Variants in SLC1A1 observed in about 807,000 individuals in gnomAD.
SLC1A1 encodes the protein excitatory amino acid transporter 3.
Under a neutral mutation model 53.3 loss-of-function variants are expected in SLC1A1, and 43 were observed. The observed-to-expected ratio is 0.81, with a 90% CI of 0.63 to 1.04. The LOEUF is 1.04. SLC1A1 is among the 50% of genes least tolerant of loss of function. The probability of loss-of-function intolerance (pLI) is 0.00; values close to 1 mark genes in which losing one functional copy is unlikely to be tolerated. For missense variants in SLC1A1, 748 were observed against 664.9 expected (o/e 1.12, Z -1.37); for synonymous variants, 307 against 243.2 (o/e 1.26, Z -2.44).
At chr9:4,570,510 AC>A (rs1380952963) in intron 6 of SLC1A1, among the ~76,000 whole-genome samples, 2 of 151,732 alleles carry the variant, frequency 1.3e-5, no homozygotes, top group Admixed American at 1.3e-4. Context: ...AGCTGGGATT[AC>A]AGGCACGTGC....
intron 1 of SLC1A1, among the ~76,000 whole-genome samples, chr9:4,515,536 T>C (rs1821133048): frequency 6.6e-6 from 1 of 152,154 alleles, no homozygotes; most frequent in African/African-American, 2.4e-5. Flanking sequence ...ATGGAAGCTA[T>C]AAAAACAGAT....
At chr9:4,566,820 C>A (rs1012154694) in intron 5 of SLC1A1, among the ~76,000 whole-genome samples, 8 of 152,076 alleles carry the variant, frequency 5.3e-5, no homozygotes, top group Non-Finnish European at 8.8e-5. Context: ...TTACTTCAAG[C>A]CTTTCCCTCC....
intron 2 of SLC1A1, among the ~76,000 whole-genome samples, chr9:4,546,607 G>A (rs1164592935): frequency 1.3e-5 from 2 of 152,130 alleles, no homozygotes; most frequent in Non-Finnish European, 2.9e-5. Context: ...TACCTGCCTG[G>A]CCGCCGTAAG....
chr9:4,531,123 G>A (rs1305068059), intron 1 of SLC1A1, among the ~76,000 whole-genome samples: 3 of 152,312 alleles, frequency 2.0e-5, no homozygotes, highest in African/African-American at 4.8e-5. Flanking sequence ...ACAGCTCCCA[G>A]CGTGAGTGAC....
chr9:4,510,907 A>G (rs969560544), intron 1 of SLC1A1, among the ~76,000 whole-genome samples: 1 of 152,178 alleles, frequency 6.6e-6, no homozygotes, highest in Non-Finnish European at 1.5e-5. Context: ...CCGTAAACAA[A>G]TTGAGAGTTA....
At chr9:4,512,136 A>C (rs945150966) in intron 1 of SLC1A1, among the ~76,000 whole-genome samples, 1 of 152,238 alleles carries the variant, frequency 6.6e-6, no homozygotes, top group African/African-American at 2.4e-5. Context: ...CAGTTCTCCC[A>C]TAATTGATGT....
chr9:4,512,887 C>G (rs1342706056), intron 1 of SLC1A1, among the ~76,000 whole-genome samples: 1 of 152,134 alleles, frequency 6.6e-6, no homozygotes, highest in Non-Finnish European at 1.5e-5. Flanking sequence ...GCTTCAGACT[C>G]TCAAAGTGCT....
chr9:4,540,478 G>A (rs781121799), intron 1 of SLC1A1, among the ~76,000 whole-genome samples: 3 of 152,188 alleles, frequency 2.0e-5, no homozygotes, highest in South Asian at 2.1e-4. Flanking sequence ...CACTTAAGCC[G>A]TCCGTGGATG....
At chr9:4,492,254 G>GAGA (rs1191653535) in intron 1 of SLC1A1, among the ~76,000 whole-genome samples, 2 of 152,122 alleles carry the variant, frequency 1.3e-5, no homozygotes, top group African/African-American at 4.8e-5. Flanking sequence ...TTAGGCCAAA[G>GAGA]AGAAGAGATG....
Position 4,497,997 on chromosome 9 carries a change from G to C in SLC1A1, c.91+7227G>C, listed in dbSNP as rs532428632. Among the ~76,000 whole-genome samples the C allele has an allele frequency of 4.2e-4, 64 of 152,152 alleles. 3 individuals are homozygous for C. The highest frequency in any genetic ancestry group is 2.0e-4 in the Admixed American group (3 of 15,270). ...GAGTTGAAAACAAAAGTCTGAAATTGATTACTGCTGTCTGGCACTGGCTTA... is the reference window on the plus strand; with the variant it reads ...GAGTTGAAAACAAAAGTCTGAAATTCATTACTGCTGTCTGGCACTGGCTTA... On this transcript the variant is annotated intron_variant, in intron 1 of 11. Coordinates refer to ENST00000262352, the MANE Select transcript of SLC1A1 (RefSeq NM_004170.6).
At chr9:4,517,384 AC>A (rs1250162915) in intron 1 of SLC1A1, among the ~76,000 whole-genome samples, 1 of 152,150 alleles carries the variant, frequency 6.6e-6, no homozygotes, top group Non-Finnish European at 1.5e-5. Flanking sequence ...CTACTAGAAT[AC>A]AATTTCTCAG....
intron 1 of SLC1A1, among the ~76,000 whole-genome samples, chr9:4,505,377 A>T (rs1820771021): frequency 6.6e-6 from 1 of 151,988 alleles, no homozygotes; most frequent in Non-Finnish European, 1.5e-5. Flanking sequence ...ACTGGATAGC[A>T]ATATAGGGTC....
intron 2 of SLC1A1, among the ~76,000 whole-genome samples, chr9:4,557,861 A>C (rs1428775662): frequency 6.6e-6 from 1 of 152,094 alleles, no homozygotes; most frequent in Non-Finnish European, 1.5e-5. Flanking sequence ...TTTGAGGTAA[A>C]ATGTAGATTG....
intron 1 of SLC1A1, among the ~76,000 whole-genome samples, chr9:4,500,483 A>G (rs768484226): frequency 2.0e-5 from 3 of 151,996 alleles, no homozygotes; most frequent in Admixed American, 1.3e-4. Flanking sequence ...AATATTTTCT[A>G]TATGTTTAGT....
intron 1 of SLC1A1, among the ~76,000 whole-genome samples, chr9:4,511,516 C>G (rs1002424902): frequency 1.2e-4 from 18 of 151,162 alleles, no homozygotes; most frequent in African/African-American, 4.4e-4. Context: ...CATACCATAG[C>G]AGAGGAGAAG....
chr9:4,511,566 TACACACACACACACAC>T (rs113277990), intron 1 of SLC1A1, among the ~76,000 whole-genome samples: 2 of 146,336 alleles, frequency 1.4e-5, no homozygotes, highest in African/African-American at 2.5e-5. Context: ...TTAAGAATTC[TACACACACACACACAC>T]ACACACACAC....
intron 5 of SLC1A1, among the ~76,000 whole-genome samples, chr9:4,566,440 C>T (rs770596622): frequency 6.6e-6 from 1 of 152,196 alleles, no homozygotes; most frequent in Non-Finnish European, 1.5e-5. Context: ...GAAGTTTAAA[C>T]TTTCTGCAGA....
At chr9:4,532,328 G>C (rs563292927) in intron 1 of SLC1A1, among the ~76,000 whole-genome samples, 16 of 152,104 alleles carry the variant, frequency 1.1e-4, no homozygotes, top group African/African-American at 3.9e-4. Flanking sequence ...AAAATTAGAC[G>C]AATGGCTAAC....
At chr9:4,527,308 T>G (rs1816298108) in intron 1 of SLC1A1, among the ~76,000 whole-genome samples, 1 of 152,186 alleles carries the variant, frequency 6.6e-6, no homozygotes, top group Non-Finnish European at 1.5e-5. Flanking sequence ...GTAGCTGTGC[T>G]CAGACTCCTG....
Sources: gnomAD v4.1 joint callset for allele counts (sites outside exome capture counted in the v4.1 genomes callset) on GRCh38, gnomAD v4.1.1 for gene constraint, MANE v1.5 for transcripts, NCBI Gene and HGNC (gene_info 2026-07-23, HGNC 2026-07-21) for gene names.